Variants in PPP2R2B observed in about 807,000 individuals in gnomAD.
PPP2R2B encodes serine/threonine-protein phosphatase 2A 55 kDa regulatory subunit B beta isoform.
Under a neutral mutation model 46.0 loss-of-function variants are expected in PPP2R2B, and 5 were observed. That is an observed-to-expected ratio of 0.11 (90% CI 0.06 to 0.23). The LOEUF (loss-of-function observed/expected upper bound fraction) is 0.23, where lower values mean the gene tolerates loss of function less well. Among genes scored for constraint, PPP2R2B ranks in the 10% least tolerant of loss-of-function variants. The pLI, the probability that PPP2R2B is intolerant of heterozygous loss-of-function variation, is 1.00. For missense variants in PPP2R2B, 367 were observed against 575.0 expected, an observed-to-expected ratio of 0.64 and a Z score of 3.70; for synonymous variants, 215 against 206.7, an observed-to-expected ratio of 1.04 and a Z score of -0.34.
chr5:147,006,026 A>G (rs574815379), intron 1 of PPP2R2B, among the ~76,000 whole-genome samples: 1 of 152,294 alleles, frequency 6.6e-6, no homozygotes, highest in East Asian at 1.9e-4. Context: ...CCTAACAAAA[A>G]TCCTTAACCC....
chr5:147,047,467 A>G (rs1756596979), intron 1 of PPP2R2B, among the ~76,000 whole-genome samples: 1 of 152,058 alleles, frequency 6.6e-6, no homozygotes, highest in Non-Finnish European at 1.5e-5. Context: ...ACCCCCCAAA[A>G]TGTACACAGG....
chr5:147,000,374 G>T (rs1274550683), intron 1 of PPP2R2B, among the ~76,000 whole-genome samples: 1 of 152,044 alleles, frequency 6.6e-6, no homozygotes, highest in Admixed American at 6.6e-5. Flanking sequence ...GAGGCAGTAG[G>T]GATGGTGACA....
At chr5:146,910,203 C>T (rs576343275) in intron 1 of PPP2R2B, among the ~76,000 whole-genome samples, 30 of 152,060 alleles carry the variant, frequency 2.0e-4, no homozygotes, top group Non-Finnish European at 3.4e-4. Context: ...TCATTTTTCA[C>T]GAGCCTAATA....
chr5:146,993,022 AG>A (rs1232137278), intron 1 of PPP2R2B, among the ~76,000 whole-genome samples: 2 of 152,100 alleles, frequency 1.3e-5, no homozygotes, highest in African/African-American at 4.8e-5. Context: ...GGCTCACTGC[AG>A]CCTCCGCCTC....
chr5:147,029,373 C>T (rs1332638440), intron 1 of PPP2R2B, among the ~76,000 whole-genome samples: 3 of 152,128 alleles, frequency 2.0e-5, no homozygotes, highest in African/African-American at 7.2e-5. Flanking sequence ...AAATTTTCTC[C>T]ACACCATTTA....
At chr5:146,900,646 G>A (rs530830819) in intron 1 of PPP2R2B, among the ~76,000 whole-genome samples, 14 of 138,736 alleles carry the variant, frequency 1.0e-4, no homozygotes, top group East Asian at 2.3e-4. Context: ...TTTAAGCTCC[G>A]GGCTACAGGA....
At chr5:146,817,970 C>T (rs958652404) in intron 2 of PPP2R2B, among the ~76,000 whole-genome samples, 4 of 152,212 alleles carry the variant, frequency 2.6e-5, no homozygotes, top group African/African-American at 9.6e-5. Flanking sequence ...GATCCCTTTC[C>T]ACCTCATGGC....
At chr5:146,641,246 T>A (rs1301477568) in intron 6 of PPP2R2B, among the ~76,000 whole-genome samples, 1 of 152,136 alleles carries the variant, frequency 6.6e-6, no homozygotes. Context: ...TGTGACACAG[T>A]GGGCAGAGCT....
At chr5:146,889,271 TATGA>T (rs539786116) in intron 1 of PPP2R2B, among the ~76,000 whole-genome samples, 115 of 152,290 alleles carry the variant, frequency 7.6e-4, no homozygotes, top group Middle Eastern at 3.4e-3. Flanking sequence ...CTGTATCATA[TATGA>T]CAGCAATGTC....
At chr5:146,745,050 T>C (rs953107677) in intron 2 of PPP2R2B, among the ~76,000 whole-genome samples, 1 of 152,126 alleles carries the variant, frequency 6.6e-6, no homozygotes, top group African/African-American at 2.4e-5. Context: ...CAAAACCCTT[T>C]AGTTGCTCAA....
intron 1 of PPP2R2B, among the ~76,000 whole-genome samples, chr5:146,901,621 A>T (rs1762839624): frequency 6.6e-6 from 1 of 152,124 alleles, no homozygotes; most frequent in South Asian, 2.1e-4. Flanking sequence ...GAGGTCCTAG[A>T]TGCTGTGTCA....
chr5:146,892,109 T>A (rs1762508308), intron 1 of PPP2R2B, among the ~76,000 whole-genome samples: 1 of 152,212 alleles, frequency 6.6e-6, no homozygotes, highest in African/African-American at 2.4e-5. Context: ...TGTTTTTACT[T>A]ACTTTTTCAA....
intron 2 of PPP2R2B, among the ~76,000 whole-genome samples, chr5:146,738,156 G>A (rs188669106): frequency 2.6e-3 from 393 of 152,130 alleles, no homozygotes; most frequent in African/African-American, 8.9e-3. Context: ...CAGCACTTTG[G>A]GAGGCTGAGG....
chr5:146,973,850 A>C (rs1443390674), intron 1 of PPP2R2B, among the ~76,000 whole-genome samples: 1 of 152,230 alleles, frequency 6.6e-6, no homozygotes, highest in Non-Finnish European at 1.5e-5. Flanking sequence ...TCACTGCATT[A>C]GCGAAGGAAA....
chr5:146,951,518 G>A (rs1020204557), intron 1 of PPP2R2B, among the ~76,000 whole-genome samples: 2 of 151,730 alleles, frequency 1.3e-5, no homozygotes, highest in Non-Finnish European at 2.9e-5. Context: ...CTCCCGACAG[G>A]TCCCTCCCAA....
intron 1 of PPP2R2B, among the ~76,000 whole-genome samples, chr5:146,950,239 T>G (rs572410287): frequency 2.6e-5 from 4 of 152,058 alleles, no homozygotes; most frequent in African/African-American, 9.7e-5. Context: ...CTCATAAATA[T>G]ATATACCTAC....
chr5:146,647,377 G>A (rs1249136743), intron 6 of PPP2R2B, among the ~76,000 whole-genome samples: 3 of 152,186 alleles, frequency 2.0e-5, no homozygotes, highest in Admixed American at 6.5e-5. Context: ...GTATTTTTCT[G>A]AGACTGTTTT....
At chr5:146,698,201 C>A in intron 3 of PPP2R2B, 57 bp from the exon 4 acceptor site, 1 of 1,444,110 alleles carries the variant, frequency 6.9e-7, no homozygotes, top group Non-Finnish European at 9.2e-7. Context: ...AACTGTAAAA[C>A]TCGCCAACTC....
At chr5:146,665,522 G>C (rs1459150824) in intron 5 of PPP2R2B, among the ~76,000 whole-genome samples, 1 of 152,190 alleles carries the variant, frequency 6.6e-6, no homozygotes, top group Non-Finnish European at 1.5e-5. Flanking sequence ...GTTGTGGCTG[G>C]TTTGATCTTC....
Sources: allele counts gnomAD v4.1 joint callset (sites outside exome capture counted in the v4.1 genomes callset), GRCh38; gene constraint gnomAD v4.1.1; transcripts MANE v1.5; gene names NCBI Gene and HGNC (gene_info 2026-07-23, HGNC 2026-07-21).